Variants in OLIG1 observed in about 807,000 individuals in gnomAD.
OLIG1 encodes basic domain, helix-loop-helix protein, class B, 6.
OLIG1 carries 9 observed loss-of-function variants against 13.5 expected under a neutral mutation model. The ratio of observed to expected loss-of-function variants is 0.67; its 90% CI spans 0.40 to 1.17. The LOEUF (loss-of-function observed/expected upper bound fraction) is 1.17, where lower values mean the gene tolerates loss of function less well. Among genes scored for constraint, OLIG1 ranks in the 50% most tolerant of loss-of-function variants. OLIG1 has a pLI of 0.01. For missense variants in OLIG1, 362 were observed against 392.2 expected (o/e 0.92, Z 0.65); for synonymous variants, 215 against 208.3 (o/e 1.03, Z -0.28).
Position 33,071,402 on chromosome 21 carries a change from T to G in OLIG1, c.*340T>G. ...GGGCCGATGTAGAACTTAGGGCGCC[T>G]TGCCGTGGTTGGCGCGCCCCGGGTG... On this transcript the variant is annotated 3_prime_UTR_variant, in exon 1 of 1. Transcript: ENST00000382348. This position sits in a 1 kb window ranked among gnomAD's most constrained non-coding sequence, Gnocchi z 6.0. 1 of 186,872 alleles carries G rather than the reference T, an allele frequency of 5.4e-6. No individual in the cohort carries two copies. Among genetic ancestry groups the G allele is most frequent in the Non-Finnish European group, 1.2e-5 (1 of 81,360 alleles). 11.6% of individuals were successfully genotyped at this position (186,872 alleles called of 1,614,324 possible).
chr21:33,070,410 C>T lies in OLIG1; in HGVS notation c.164C>T (p.Thr55Ile). ...TCCTCCACCTCCTCCACCTCCTCCACTTCCTCCTCCTCCACGACGGCCCCC... is the reference window on the plus strand; with the variant it reads ...TCCTCCACCTCCTCCACCTCCTCCATTTCCTCCTCCTCCACGACGGCCCCC... ...SSSSTSSTSS[T>I]SSSSTTAPLL... is the part of the protein sequence containing the mutation. Residue 55 changes from threonine (T) to isoleucine (I), a missense_variant, in exon 1 of 1, where the codon ACT becomes ATT. By Grantham distance (89) the Thr-to-Ile change is moderately conservative. Transcript: ENST00000382348. The surrounding 1 kb of genome is among the most constrained non-coding windows in gnomAD (Gnocchi z 5.9). 1 of 1,526,528 alleles carries T rather than the reference C, an allele frequency of 6.6e-7. No individual in the cohort carries two copies. The highest frequency in any genetic ancestry group is 8.7e-7 in the Non-Finnish European group (1 of 1,144,498). 94.6% of individuals were successfully genotyped at this position (1,526,528 alleles called of 1,614,324 possible). A position where few individuals can be genotyped will look rare whatever the true frequency, so the allele number is the denominator to read the frequency against.
At position 33,071,012 on chromosome 21, in the gene OLIG1, G is replaced by A. The variant is rs765538780; in HGVS notation, c.766G>A (p.Val256Ile). 1 of 1,508,036 alleles carries A rather than the reference G, an allele frequency of 6.6e-7. No individual in the cohort carries two copies. Among genetic ancestry groups the A allele is most frequent in the South Asian group, 1.2e-5 (1 of 82,030 alleles). 93.4% of individuals were successfully genotyped at this position (1,508,036 alleles called of 1,614,324 possible). Residue 256 changes from valine (V) to isoleucine (I), a missense_variant, in exon 1 of 1, where the codon GTC becomes ATC. Val to Ile is a conservative substitution (Grantham distance 29, BLOSUM62 3). This residue lies in a region of OLIG1 where 62 missense variants were observed against 49.1 expected (regional missense o/e 1.26). Transcript: ENST00000382348. The surrounding 1 kb of genome is among the most constrained non-coding windows in gnomAD (Gnocchi z 6.0). ...TCAVCKFPHL[V>I]PASLGLAAVQ... Reference sequence around the variant, plus strand: ...CGCCGTGTGCAAGTTCCCGCACCTGGTCCCGGCCAGCCTGGGCCTGGCCGC... The same window carrying A: ...CGCCGTGTGCAAGTTCCCGCACCTGATCCCGGCCAGCCTGGGCCTGGCCGC...
At position 33,070,173 on chromosome 21, in the gene OLIG1, A is replaced by C; in HGVS notation, c.-74A>C. The C allele has an allele frequency of 7.1e-7, 1 of 1,407,346 alleles. No homozygotes were observed. The allele number at this position is 1,407,346 out of a possible 1,614,324, so 87.2% of individuals were successfully genotyped here. A position where few individuals can be genotyped will look rare whatever the true frequency, so the allele number is the denominator to read the frequency against. On this transcript the variant is annotated 5_prime_UTR_variant, in exon 1 of 1. Transcript: ENST00000382348. The surrounding 1 kb of genome is among the most constrained non-coding windows in gnomAD (Gnocchi z 5.9). The stretch of plus-strand genomic sequence containing the variant: ...TTTCCCCGCGCGCAGGTCCGCGGGG[A>C]GGGGCGGCCTGCCGACCGGCCCACC...
In OLIG1 at chr21:33,071,216, C is replaced by T; in HGVS notation, c.*154C>T. ...GGAAGGGACTGTCGGGCACCCCCTT[C>T]CCCGCCCCCACCCCTGGGACGTTAA... On this transcript the variant is annotated 3_prime_UTR_variant, in exon 1 of 1. Coordinates refer to ENST00000382348, the MANE Select transcript of OLIG1 (RefSeq NM_138983.3). This position sits in a 1 kb window ranked among gnomAD's most constrained non-coding sequence, Gnocchi z 6.0. 1.5e-6 allele frequency: 1 copy of T among 665,704 alleles called. No homozygotes were observed. The highest frequency in any genetic ancestry group is 2.3e-6 in the Non-Finnish European group (1 of 426,816). 41.2% of individuals were successfully genotyped at this position (665,704 alleles called of 1,614,324 possible). A position where few individuals can be genotyped will look rare whatever the true frequency, so the allele number is the denominator to read the frequency against.
chr21:33,070,390 C>T lies in OLIG1; in HGVS notation c.144C>T (p.Ser48=), dbSNP rs1229588281. The change falls in exon 1 of 1, where the codon TCC becomes TCT. Residue 48 remains serine (S), a synonymous_variant. Coordinates refer to ENST00000382348, the MANE Select transcript of OLIG1 (RefSeq NM_138983.3). The surrounding 1 kb of genome is among the most constrained non-coding windows in gnomAD (Gnocchi z 5.9). ...YRQPPSSSSS[S]TSSTSSTSSS... ...AGCCGCCCTCCTCCTCCTCCTCCTC[C>T]ACCTCCTCCACCTCCTCCACTTCCT... 1 of 1,534,448 alleles carries T rather than the reference C, an allele frequency of 6.5e-7. No homozygotes were observed. The highest frequency in any genetic ancestry group is 8.8e-7 in the Non-Finnish European group (1 of 1,140,274).
In OLIG1 at chr21:33,071,144, G is replaced by A; in HGVS notation, c.*82G>A. On this transcript the variant is annotated 3_prime_UTR_variant, in exon 1 of 1. Transcript: ENST00000382348. This position sits in a 1 kb window ranked among gnomAD's most constrained non-coding sequence, Gnocchi z 6.0. ...CCGCGCCCCTGCTCCCTGCGTCTGG[G>A]AGAGCGAGGCCGAGCAAGGAAAGCA... 7.9e-7 allele frequency: 1 copy of A among 1,269,492 alleles called. No individual in the cohort carries two copies. The highest frequency in any genetic ancestry group is 1.0e-6 in the Non-Finnish European group (1 of 969,218). 78.6% of individuals were successfully genotyped at this position (1,269,492 alleles called of 1,614,324 possible).
At position 33,071,296 on chromosome 21, in the gene OLIG1, G is replaced by A; in HGVS notation, c.*234G>A. The A allele has an allele frequency of 2.5e-6, 1 of 405,272 alleles. No individual in the cohort carries two copies. Among genetic ancestry groups the A allele is most frequent in the Non-Finnish European group, 4.6e-6 (1 of 217,838 alleles). 25.1% of individuals were successfully genotyped at this position (405,272 alleles called of 1,614,324 possible). A position where few individuals can be genotyped will look rare whatever the true frequency, so the allele number is the denominator to read the frequency against. ...TCGGGGCAGTTTGGGGTTCTGGGTC[G>A]GTTCCAGCGGCTTTAGGCAGAAAGT... On this transcript the variant is annotated 3_prime_UTR_variant, in exon 1 of 1. Coordinates refer to ENST00000382348, the MANE Select transcript of OLIG1 (RefSeq NM_138983.3). The surrounding 1 kb of genome is among the most constrained non-coding windows in gnomAD (Gnocchi z 6.0).
In OLIG1 at chr21:33,070,410, C is replaced by G. The variant is rs1206827049; in HGVS notation, c.164C>G (p.Thr55Ser). 1 of 1,526,424 alleles carries G rather than the reference C, an allele frequency of 6.6e-7. No homozygotes were observed. The highest frequency in any genetic ancestry group is 2.5e-5 in the East Asian group (1 of 40,468). The allele number at this position is 1,526,424 out of a possible 1,614,324, so 94.6% of individuals were successfully genotyped here. A position where few individuals can be genotyped will look rare whatever the true frequency, so the allele number is the denominator to read the frequency against. ...TCCTCCACCTCCTCCACCTCCTCCA[C>G]TTCCTCCTCCTCCACGACGGCCCCC... Reference protein sequence around the residue: ...SSSSTSSTSSTSSSSTTAPLL... With the variant: ...SSSSTSSTSSSSSSSTTAPLL... Residue 55 changes from threonine to serine, a missense_variant, in exon 1 of 1, where the codon ACT becomes AGT. By Grantham distance (58) the Thr-to-Ser change is moderately conservative. Around this residue, in one of 3 missense-constraint regions of OLIG1, gnomAD observed 206 missense variants for 197.2 expected, o/e 1.04. Coordinates refer to ENST00000382348, the MANE Select transcript of OLIG1 (RefSeq NM_138983.3). This position sits in a 1 kb window ranked among gnomAD's most constrained non-coding sequence, Gnocchi z 5.9.
chr21:33,070,246 GATGTAC>G lies in OLIG1; in HGVS notation c.1_6del (p.MetTyr1_?2). The G allele has an allele frequency of 6.5e-7, 1 of 1,532,866 alleles. No individual in the cohort carries two copies. Among genetic ancestry groups the G allele is most frequent in the South Asian group, 1.2e-5 (1 of 82,646 alleles). 95.0% of individuals were successfully genotyped at this position (1,532,866 alleles called of 1,614,324 possible). On this transcript the variant is annotated start_lost and inframe_deletion, in exon 1 of 1. Coordinates refer to ENST00000382348, the MANE Select transcript of OLIG1 (RefSeq NM_138983.3). This position sits in a 1 kb window ranked among gnomAD's most constrained non-coding sequence, Gnocchi z 5.9. ...CCTCGGCCGCCCCCACCGCCTCCCA[GATGTAC>G]TATGCGGTTTCCCAGGCGCGCGTGA... is the stretch of plus-strand genomic sequence containing the variant.
chr21:33,071,277 C>G lies in OLIG1; in HGVS notation c.*215C>G, dbSNP rs910456959. 7.7e-5 allele frequency: 35 copies of G among 455,306 alleles called. No individual in the cohort carries two copies. The highest frequency in any genetic ancestry group is 1.1e-4 in the Non-Finnish European group (29 of 252,432). 28.2% of individuals were successfully genotyped at this position (455,306 alleles called of 1,614,324 possible). On this transcript the variant is annotated 3_prime_UTR_variant, in exon 1 of 1. Transcript: ENST00000382348. The surrounding 1 kb of genome is among the most constrained non-coding windows in gnomAD (Gnocchi z 6.0). ...GCGGATGTTCGATGGCGCCTCGGGG[C>G]AGTTTGGGGTTCTGGGTCGGTTCCA... is the stretch of plus-strand genomic sequence containing the variant.
chr21:33,071,002 C>A lies in OLIG1; in HGVS notation c.756C>A (p.Phe252Leu). 1.4e-6 allele frequency: 2 copies of A among 1,415,774 alleles called. No homozygotes were observed. Among genetic ancestry groups the A allele is most frequent in the Admixed American group, 2.2e-5 (1 of 45,574 alleles). 87.7% of individuals were successfully genotyped at this position (1,415,774 alleles called of 1,614,324 possible). ...PGLCTCAVCKFPHLVPASLGL... is the reference protein window; with the variant it reads ...PGLCTCAVCKLPHLVPASLGL... Reference sequence around the variant, plus strand: ...TCTGCACCTGCGCCGTGTGCAAGTTCCCGCACCTGGTCCCGGCCAGCCTGG... The same window carrying A: ...TCTGCACCTGCGCCGTGTGCAAGTTACCGCACCTGGTCCCGGCCAGCCTGG... Residue 252 changes from phenylalanine to leucine, a missense_variant, in exon 1 of 1, where the codon TTC (phenylalanine) becomes TTA (leucine). Physicochemically the swap from Phe to Leu is conservative, Grantham distance 22. This residue lies in a region of OLIG1 where 62 missense variants were observed against 49.1 expected (regional missense o/e 1.26). Coordinates refer to ENST00000382348, the MANE Select transcript of OLIG1 (RefSeq NM_138983.3). This position sits in a 1 kb window ranked among gnomAD's most constrained non-coding sequence, Gnocchi z 6.0.
At position 33,070,661 on chromosome 21, in the gene OLIG1, C is replaced by A; in HGVS notation, c.415C>A (p.His139Asn). The A allele has an allele frequency of 6.4e-7, 1 of 1,554,388 alleles. No individual in the cohort carries two copies. Among genetic ancestry groups the A allele is most frequent in the Non-Finnish European group, 8.6e-7 (1 of 1,156,962 alleles). The change falls in exon 1 of 1, where the codon CAC (histidine) becomes AAC (asparagine). Residue 139 changes from histidine to asparagine, a missense_variant. By Grantham distance (68) the His-to-Asn change is moderately conservative. This residue lies in a region of OLIG1 where 206 missense variants were observed against 197.2 expected (regional missense o/e 1.04). Coordinates refer to ENST00000382348, the MANE Select transcript of OLIG1 (RefSeq NM_138983.3). The surrounding 1 kb of genome is among the most constrained non-coding windows in gnomAD (Gnocchi z 5.9). The stretch of plus-strand genomic sequence containing the variant: ...GGTCATCCTGCCCTACTCAGCGGCG[C>A]ACTGCCAGGGCGCGCCCGGCCGCAA... ...REVILPYSAA[H>N]CQGAPGRKLS...
Position 33,071,027 on chromosome 21 carries a change from G to T in OLIG1, c.781G>T (p.Gly261Cys). ...CCCGCACCTGGTCCCGGCCAGCCTG[G>T]GCCTGGCCGCCGTGCAGGCGCAATT... ...KFPHLVPASL[G>C]LAAVQAQFSK is the part of the protein sequence containing the mutation. Residue 261 changes from glycine to cysteine, a missense_variant, in exon 1 of 1, where the codon GGC becomes TGC. Coordinates refer to ENST00000382348, the MANE Select transcript of OLIG1 (RefSeq NM_138983.3). This position sits in a 1 kb window ranked among gnomAD's most constrained non-coding sequence, Gnocchi z 6.0. 1 of 1,509,892 alleles carries T rather than the reference G, an allele frequency of 6.6e-7. No individual in the cohort carries two copies. Among genetic ancestry groups the T allele is most frequent in the East Asian group, 2.8e-5 (1 of 36,266 alleles). The allele number at this position is 1,509,892 out of a possible 1,614,324, so 93.5% of individuals were successfully genotyped here. A position where few individuals can be genotyped will look rare whatever the true frequency, so the allele number is the denominator to read the frequency against.
At position 33,070,163 on chromosome 21, in the gene OLIG1, G is replaced by A. The variant is rs1279555889; in HGVS notation, c.-84G>A. 9 of 1,407,030 alleles carry A rather than the reference G, an allele frequency of 6.4e-6. No homozygotes were observed. Among genetic ancestry groups the A allele is most frequent in the African/African-American group, 1.5e-5 (1 of 65,758 alleles). The allele number at this position is 1,407,030 out of a possible 1,614,324, so 87.2% of individuals were successfully genotyped here. The stretch of plus-strand genomic sequence containing the variant: ...CCCACCATCGTTTCCCCGCGCGCAG[G>A]TCCGCGGGGAGGGGCGGCCTGCCGA... On this transcript the variant is annotated 5_prime_UTR_variant, in exon 1 of 1. Coordinates refer to ENST00000382348, the MANE Select transcript of OLIG1 (RefSeq NM_138983.3). The surrounding 1 kb of genome is among the most constrained non-coding windows in gnomAD (Gnocchi z 5.9).
At position 33,070,229 on chromosome 21, in the gene OLIG1, GC is replaced by G; in HGVS notation, c.-13del. ...GCGTTCCTGAAGGGCGTCCTCGGCC[GC>G]CCCCACCGCCTCCCAGATGTACTAT... is the stretch of plus-strand genomic sequence containing the variant. On this transcript the variant is annotated 5_prime_UTR_variant, in exon 1 of 1. Coordinates refer to ENST00000382348, the MANE Select transcript of OLIG1 (RefSeq NM_138983.3). The surrounding 1 kb of genome is among the most constrained non-coding windows in gnomAD (Gnocchi z 5.9). 2.0e-6 allele frequency: 3 copies of G among 1,505,422 alleles called. No homozygotes were observed. The highest frequency in any genetic ancestry group is 1.4e-5 in the African/African-American group (1 of 69,650). The allele number at this position is 1,505,422 out of a possible 1,614,324, so 93.3% of individuals were successfully genotyped here.
In OLIG1 at chr21:33,070,338, C is replaced by A. The variant is rs1213290499; in HGVS notation, c.92C>A (p.Ser31Tyr). 1 of 1,547,136 alleles carries A rather than the reference C, an allele frequency of 6.5e-7. No homozygotes were observed. The highest frequency in any genetic ancestry group is 8.7e-7 in the Non-Finnish European group (1 of 1,145,868). ...QRPGDLQLGA[S>Y]LYELVGYRQP... The stretch of plus-strand genomic sequence containing the variant: ...CCCGGAGACTTGCAGCTCGGGGCCT[C>A]CCTCTACGAGCTGGTGGGCTACAGG... The change falls in exon 1 of 1, where the codon TCC becomes TAC. Residue 31 changes from serine to tyrosine, a missense_variant. Transcript: ENST00000382348. The surrounding 1 kb of genome is among the most constrained non-coding windows in gnomAD (Gnocchi z 5.9).
At position 33,071,783 on chromosome 21, in the gene OLIG1, G is replaced by T. The variant is rs959700866; in HGVS notation, c.*721G>T. The T allele has an allele frequency of 3.0e-5, 5 of 167,114 alleles. No individual in the cohort carries two copies. Among genetic ancestry groups the T allele is most frequent in the African/African-American group, 1.2e-4 (5 of 41,442 alleles). The allele number at this position is 167,114 out of a possible 1,614,324, so 10.4% of individuals were successfully genotyped here. On this transcript the variant is annotated 3_prime_UTR_variant, in exon 1 of 1. Transcript: ENST00000382348. The surrounding 1 kb of genome is among the most constrained non-coding windows in gnomAD (Gnocchi z 6.0). ...CTTTTGTAGACCAGCTGTTTGGAGA[G>T]CTGTATTTAAGACTCGCGTATCCAG...
rs534807296 is a variant in OLIG1, at chr21:33,071,237, G to A, written c.*175G>A. On this transcript the variant is annotated 3_prime_UTR_variant, in exon 1 of 1. Transcript: ENST00000382348. The surrounding 1 kb of genome is among the most constrained non-coding windows in gnomAD (Gnocchi z 6.0). Reference sequence around the variant, plus strand: ...CCTTCCCCGCCCCCACCCCTGGGACGTTAAAGTGACCAGAGCGGATGTTCG... The same window carrying A: ...CCTTCCCCGCCCCCACCCCTGGGACATTAAAGTGACCAGAGCGGATGTTCG... The A allele has an allele frequency of 4.2e-4, 246 of 584,354 alleles. 1 individual carries two copies. The highest frequency in any genetic ancestry group is 7.4e-4 in the Admixed American group (17 of 22,868). The allele number at this position is 584,354 out of a possible 1,614,324, so 36.2% of individuals were successfully genotyped here.
chr21:33,071,203 C>T lies in OLIG1; in HGVS notation c.*141C>T. 1 of 764,484 alleles carries T rather than the reference C, an allele frequency of 1.3e-6. No individual in the cohort carries two copies. The highest frequency in any genetic ancestry group is 1.9e-6 in the Non-Finnish European group (1 of 517,024). 47.4% of individuals were successfully genotyped at this position (764,484 alleles called of 1,614,324 possible). On this transcript the variant is annotated 3_prime_UTR_variant, in exon 1 of 1. Coordinates refer to ENST00000382348, the MANE Select transcript of OLIG1 (RefSeq NM_138983.3). This position sits in a 1 kb window ranked among gnomAD's most constrained non-coding sequence, Gnocchi z 6.0. ...CTTCCAGTCCAGAGGAAGGGACTGT[C>T]GGGCACCCCCTTCCCCGCCCCCACC...
Sources: gnomAD v4.1 joint callset for allele counts on GRCh38, gnomAD v4.1.1 for gene constraint, gnomAD v4.1.1 regional missense constraint, Gnocchi (gnomAD v3.1) non-coding constraint, MANE v1.5 for transcripts, NCBI Gene and HGNC (gene_info 2026-07-23, HGNC 2026-07-21) for gene names.